ADGRB3: variants seen among roughly 807,000 people sequenced by gnomAD.
ADGRB3 encodes brain-specific angiogenesis inhibitor 3.
Under a neutral mutation model 193.4 loss-of-function variants are expected in ADGRB3, and 37 were observed. That is an observed-to-expected ratio of 0.19 (90% CI 0.15 to 0.25). The LOEUF is 0.25. ADGRB3 is among the 10% of genes least tolerant of loss of function. The pLI is 1.00. For missense variants in ADGRB3, 1,637 were observed against 1,852.9 expected, an observed-to-expected ratio of 0.88 and a Z score of 2.14; for synonymous variants, 690 against 644.2, an observed-to-expected ratio of 1.07 and a Z score of -1.08.
At chr6:68,809,207 C>T (rs1368046160) in intron 3 of ADGRB3, among the ~76,000 whole-genome samples, 1 of 152,180 alleles carries the variant, frequency 6.6e-6, no homozygotes, top group Non-Finnish European at 1.5e-5. Flanking sequence ...CGTACTCACT[C>T]TGTTCTGTTC....
At position 69,388,842 on chromosome 6, in the gene ADGRB3, T is replaced by A. The variant is rs570457533; in HGVS notation, c.4520T>A (p.Leu1507Gln). Residue 1507 changes from leucine (L) to glutamine (Q), a missense_variant, in exon 32 of 32, where the codon CTG becomes CAG. This residue lies in a region of ADGRB3 where 368 missense variants were observed against 367.4 expected (regional missense o/e 1.00). Transcript: ENST00000370598. ...AGGCCAGCAGAGTGGGAGAAGTGTC[T>A]GAATTTGCCTCTGGATGTGCAAGAG... is the stretch of plus-strand genomic sequence containing the variant. ...ELRPAEWEKC[L>Q]NLPLDVQEGD... 1.2e-6 allele frequency: 2 copies of A among 1,613,400 alleles called. No homozygotes were observed. Among genetic ancestry groups the A allele is most frequent in the South Asian group, 2.2e-5 (2 of 91,038 alleles).
chr6:68,844,967 TG>T (rs1328460853), intron 3 of ADGRB3, among the ~76,000 whole-genome samples: 2 of 152,050 alleles, frequency 1.3e-5, no homozygotes, highest in Non-Finnish European at 2.9e-5. Flanking sequence ...TACCAGAGTC[TG>T]GGAAGGGTAG....
intron 11 of ADGRB3, among the ~76,000 whole-genome samples, chr6:69,012,962 T>G (rs1217107967): frequency 2.0e-5 from 3 of 152,044 alleles, no homozygotes; most frequent in Non-Finnish European, 4.4e-5. Flanking sequence ...ACTGCTGACC[T>G]ACACACAGAC....
chr6:68,790,935 T>C (rs55867330), intron 3 of ADGRB3, among the ~76,000 whole-genome samples: 3,990 of 152,020 alleles, frequency 0.026, 80 homozygotes, highest in African/African-American at 0.051. Context: ...ATTTTTAAAA[T>C]ATCTTATATT....
chr6:68,722,976 G>C (rs571206966), intron 3 of ADGRB3, among the ~76,000 whole-genome samples: 1 of 151,720 alleles, frequency 6.6e-6, no homozygotes, highest in African/African-American at 2.4e-5. Context: ...GTACACTCTG[G>C]AGGGACACTG....
chr6:69,321,321 TGA>T (rs1161369498), intron 20 of ADGRB3, among the ~76,000 whole-genome samples: 4 of 151,778 alleles, frequency 2.6e-5, no homozygotes, highest in Admixed American at 6.6e-5. Flanking sequence ...GTGACACTGA[TGA>T]GACCAGTTAG....
chr6:69,221,234 A>G (rs1377254300), intron 17 of ADGRB3, among the ~76,000 whole-genome samples: 1 of 152,216 alleles, frequency 6.6e-6, no homozygotes, highest in Non-Finnish European at 1.5e-5. Context: ...CCATACGTTC[A>G]TAAAAGAATA....
intron 3 of ADGRB3, among the ~76,000 whole-genome samples, chr6:68,674,976 A>G (rs889443003): frequency 1.3e-5 from 2 of 152,274 alleles, no homozygotes; most frequent in South Asian, 2.1e-4. Flanking sequence ...GAAGTTAAAG[A>G]TTATGTTTTG....
chr6:68,765,537 G>GACACAC (rs59919588), intron 3 of ADGRB3, among the ~76,000 whole-genome samples: 11,559 of 143,454 alleles, frequency 0.081, 555 homozygotes, highest in African/African-American at 0.13. Flanking sequence ...TATTCTTATA[G>GACACAC]ACACACACAC....
At chr6:69,266,318 T>C (rs1433068033) in intron 20 of ADGRB3, among the ~76,000 whole-genome samples, 9 of 152,000 alleles carry the variant, frequency 5.9e-5, no homozygotes, top group African/African-American at 2.2e-4. Context: ...ATGGTTTCTT[T>C]AGTTCAAAGG....
chr6:69,230,045 T>C (rs1561959824), intron 17 of ADGRB3, among the ~76,000 whole-genome samples: 2 of 152,186 alleles, frequency 1.3e-5, no homozygotes, highest in South Asian at 2.1e-4. Flanking sequence ...TGGGTGAATG[T>C]AGGTGTAGTC....
rs568969824 is a variant in ADGRB3, at chr6:68,887,222, C to A, written c.758-43337C>A. ...ATTGCCTTATATAGTTCCATTTTTT[C>A]TCCCCCCAACAGGATATGTAAACAC... On this transcript the variant is annotated intron_variant, in intron 3 of 31. Coordinates refer to ENST00000370598, the MANE Select transcript of ADGRB3 (RefSeq NM_001704.3). Among the ~76,000 whole-genome samples, 6 of 151,898 alleles carry A rather than the reference C, an allele frequency of 4.0e-5. No individual in the cohort carries two copies. The South Asian group carries it at 1.2e-3, about 31-fold the overall frequency.
At chr6:68,692,399 G>A (rs1331295836) in intron 3 of ADGRB3, among the ~76,000 whole-genome samples, 1 of 151,848 alleles carries the variant, frequency 6.6e-6, no homozygotes, top group Non-Finnish European at 1.5e-5. Flanking sequence ...AGCAAGTGAG[G>A]ATGCTGAACA....
At chr6:69,164,705 ACTT>A (rs1775086952) in intron 17 of ADGRB3, among the ~76,000 whole-genome samples, 1 of 152,084 alleles carries the variant, frequency 6.6e-6, no homozygotes, top group Non-Finnish European at 1.5e-5. Flanking sequence ...CTAATTGAGC[ACTT>A]CTTGTGGGCC....
chr6:69,029,997 C>CACACACACACACAT (rs1382631617), intron 13 of ADGRB3, among the ~76,000 whole-genome samples: 1 of 151,222 alleles, frequency 6.6e-6, no homozygotes, highest in Non-Finnish European at 1.5e-5. Flanking sequence ...CACACACACA[C>CACACACACACACAT]ACACACATAT....
intron 3 of ADGRB3, among the ~76,000 whole-genome samples, chr6:68,852,848 A>C (rs748406979): frequency 1.3e-5 from 2 of 152,024 alleles, no homozygotes; most frequent in Non-Finnish European, 2.9e-5. Flanking sequence ...TAATTTTGTT[A>C]GAATTTTGTT....
intron 12 of ADGRB3, among the ~76,000 whole-genome samples, chr6:69,014,581 TC>T (rs368139951): frequency 6.6e-6 from 1 of 152,122 alleles, no homozygotes; most frequent in Non-Finnish European, 1.5e-5. Context: ...TTTTTAAAAA[TC>T]TTTTTGTTAT....
intron 11 of ADGRB3, among the ~76,000 whole-genome samples, chr6:69,003,324 A>G (rs1482659703): frequency 6.6e-6 from 1 of 152,176 alleles, no homozygotes; most frequent in Non-Finnish European, 1.5e-5. Context: ...GAGTGTGGGC[A>G]CTGCTTTTTT....
chr6:68,844,896 A>T (rs772731470), intron 3 of ADGRB3, among the ~76,000 whole-genome samples: 27 of 152,196 alleles, frequency 1.8e-4, no homozygotes, highest in Non-Finnish European at 3.7e-4. Context: ...GTTCTCATTT[A>T]TCTGTGAAAG....
Sources: allele counts gnomAD v4.1 joint callset (sites outside exome capture counted in the v4.1 genomes callset), GRCh38; gene constraint gnomAD v4.1.1; regional missense constraint gnomAD v4.1.1; transcripts MANE v1.5; gene names NCBI Gene and HGNC (gene_info 2026-07-23, HGNC 2026-07-21).